MFSD6: variants seen among roughly 807,000 people sequenced by gnomAD.
MFSD6 encodes major facilitator superfamily domain-containing protein 6.
In MFSD6, 26 loss-of-function variants were observed where a neutral mutation model predicts 56.3. The observed-to-expected ratio is 0.46, with a 90% CI of 0.34 to 0.64. MFSD6 has a LOEUF of 0.64. Ranked by LOEUF, MFSD6 falls within the 30% of genes least tolerant of loss-of-function variation. The pLI, the probability that MFSD6 is intolerant of heterozygous loss-of-function variation, is 0.01. For synonymous variants in MFSD6, 331 were observed against 366.9 expected (o/e 0.90, Z 1.12); for missense variants, 750 against 986.2 (o/e 0.76, Z 3.21).
At chr2:190,407,993 G>C (rs2124969413), upstream of MFSD6, among the ~76,000 whole-genome samples, 1 of 152,336 alleles carries the variant, frequency 6.6e-6, no homozygotes, top group Admixed American at 6.5e-5. The surrounding 1 kb of genome is among the most constrained non-coding windows in gnomAD (Gnocchi z 5.4). Context: ...GGGTGCGGTA[G>C]GGATGGAGCC....
chr2:190,474,540 C>A (rs1351075203), intron 4 of MFSD6, among the ~76,000 whole-genome samples: 1 of 152,138 alleles, frequency 6.6e-6, no homozygotes, highest in African/African-American at 2.4e-5. Context: ...TCTGAATAGA[C>A]CAATAAAAGG....
intron 4 of MFSD6, among the ~76,000 whole-genome samples, chr2:190,480,441 CTTA>C (rs1688596246): frequency 6.6e-6 from 1 of 152,136 alleles, no homozygotes; most frequent in East Asian, 1.9e-4. Flanking sequence ...ATCTCAAAAA[CTTA>C]TTAAGTATCT....
At position 190,445,872 on chromosome 2, in the gene MFSD6, T is replaced by C. The variant is rs530574719; in HGVS notation, c.1532+8311T>C. Reference sequence around the variant, plus strand: ...ACAAAAAGAAGGTCATTTTTTTTCCTTTATCTTTAAGCTCTAAGGATTACA... The same window carrying C: ...ACAAAAAGAAGGTCATTTTTTTTCCCTTATCTTTAAGCTCTAAGGATTACA... On this transcript the variant is annotated intron_variant, in intron 3 of 7. Coordinates refer to ENST00000392328, the MANE Select transcript of MFSD6 (RefSeq NM_017694.4). Among the ~76,000 whole-genome samples, 6 of 152,136 alleles carry C rather than the reference T, an allele frequency of 3.9e-5. No homozygotes were observed. The South Asian group carries it at 8.3e-4, about 21-fold the overall frequency.
chr2:190,465,849 C>T lies in MFSD6; in HGVS notation c.1533-3909C>T, dbSNP rs534744946. ...CTCTACTAAAAATACAAAAATTAGC[C>T]GGGCCTGGTAGCATGCACCTGTAAT... On this transcript the variant is annotated intron_variant, in intron 3 of 7. Transcript: ENST00000392328. This position sits in a 1 kb window ranked among gnomAD's most constrained non-coding sequence, Gnocchi z 4.6. Among the ~76,000 whole-genome samples, 11 of 152,062 alleles carry T rather than the reference C, an allele frequency of 7.2e-5. No individual in the cohort carries two copies. The highest frequency in any genetic ancestry group is 1.5e-4 in the Non-Finnish European group (10 of 68,020).
Position 190,436,721 on chromosome 2 carries a change from G to C in MFSD6, c.692G>C (p.Gly231Ala). ...GAACCCACTCTGCAGCCCCAGACAG[G>C]TGAAATTACTAACCGTATGATGGAC... ...NSEPTLQPQT[G>A]EITNRMMDLT... Residue 231 changes from glycine (G) to alanine (A), a missense_variant, in exon 3 of 8, where the codon GGT (glycine) becomes GCT (alanine). By Grantham distance (60) the Gly-to-Ala change is moderately conservative (BLOSUM62 0). Transcript: ENST00000392328. This position sits in a 1 kb window ranked among gnomAD's most constrained non-coding sequence, Gnocchi z 5.3. 6.2e-7 allele frequency: 1 copy of C among 1,614,182 alleles called. No homozygotes were observed. Among genetic ancestry groups the C allele is most frequent in the East Asian group, 2.2e-5 (1 of 44,882 alleles).
chr2:190,430,609 C>A (rs1483330906), intron 2 of MFSD6, among the ~76,000 whole-genome samples: 2 of 152,126 alleles, frequency 1.3e-5, no homozygotes, highest in African/African-American at 4.8e-5. Flanking sequence ...CTGCTTCTTT[C>A]TACACAGACA....
intron 2 of MFSD6, among the ~76,000 whole-genome samples, chr2:190,421,047 A>G (rs1241576350): frequency 1.3e-5 from 2 of 152,248 alleles, no homozygotes; most frequent in Admixed American, 6.5e-5. Flanking sequence ...GATACTCAAA[A>G]GTCATTTGCA....
intron 4 of MFSD6, among the ~76,000 whole-genome samples, chr2:190,478,595 G>T (rs1688478681): frequency 6.6e-6 from 1 of 152,166 alleles, no homozygotes; most frequent in Non-Finnish European, 1.5e-5. Flanking sequence ...ATGCAGTAAG[G>T]CAGGACATGA....
rs752161113 is a variant in MFSD6 at position 190,496,376 on chromosome 2, T to A, written c.1892-1063T>A. The stretch of plus-strand genomic sequence containing the variant: ...TAGTGAAAAGGAAACACTTCTACAC[T>A]GCTGGTAGGAATGTAAGCTGTACAA... On this transcript the variant is annotated intron_variant, in intron 6 of 7. Transcript: ENST00000392328. This position sits in a 1 kb window ranked among gnomAD's most constrained non-coding sequence, Gnocchi z 4.7. Among the ~76,000 whole-genome samples the A allele has an allele frequency of 6.6e-6, 1 of 152,192 alleles. No homozygotes were observed. Among genetic ancestry groups the A allele is most frequent in the Non-Finnish European group, 1.5e-5 (1 of 68,036 alleles).
intron 3 of MFSD6, among the ~76,000 whole-genome samples, chr2:190,441,250 C>G (rs973105128): frequency 6.6e-6 from 1 of 152,012 alleles, no homozygotes; most frequent in Non-Finnish European, 1.5e-5. Context: ...GTTCTCGTGT[C>G]TTCTACTTGG....
intron 1 of MFSD6, among the ~76,000 whole-genome samples, chr2:190,409,460 C>T (rs1690462454): frequency 6.6e-6 from 1 of 152,072 alleles, no homozygotes; most frequent in African/African-American, 2.4e-5. Flanking sequence ...GGTTCTAATC[C>T]CAACTGGTAT....
intron 4 of MFSD6, among the ~76,000 whole-genome samples, chr2:190,478,791 C>T (rs559294937): frequency 1.3e-5 from 2 of 151,840 alleles, no homozygotes; most frequent in South Asian, 4.2e-4. Context: ...ATCAGCACTT[C>T]CGTTTTTTGG....
chr2:190,450,566 C>A (rs886953416), intron 3 of MFSD6, among the ~76,000 whole-genome samples: 1 of 140,378 alleles, frequency 7.1e-6, no homozygotes, highest in Admixed American at 7.5e-5. Flanking sequence ...AATCTCAGCT[C>A]ACTGCAGCCT....
At position 190,436,199 on chromosome 2, in the gene MFSD6, T is replaced by C; in HGVS notation, c.170T>C (p.Ile57Thr). The C allele has an allele frequency of 6.2e-7, 1 of 1,614,192 alleles. No individual in the cohort carries two copies. The highest frequency in any genetic ancestry group is 8.5e-7 in the Non-Finnish European group (1 of 1,179,998). ...ATTCCTGAGGAGGAAATAGACTGGA[T>C]AGAGAAACATTGTGTTAAGATAAAC... ...SAIPEEEIDW[I>T]EKHCVKINND... Residue 57 changes from isoleucine to threonine, a missense_variant, in exon 3 of 8, where the codon ATA (isoleucine) becomes ACA (threonine). Coordinates refer to ENST00000392328, the MANE Select transcript of MFSD6 (RefSeq NM_017694.4). This position sits in a 1 kb window ranked among gnomAD's most constrained non-coding sequence, Gnocchi z 5.3.
At chr2:190,448,197 G>A (rs185649318) in intron 3 of MFSD6, among the ~76,000 whole-genome samples, 6 of 152,238 alleles carry the variant, frequency 3.9e-5, no homozygotes, top group African/African-American at 1.2e-4. Context: ...GAGTAAAGAT[G>A]GTTCCTGCAA....
intron 4 of MFSD6, among the ~76,000 whole-genome samples, chr2:190,480,380 ATAGT>A (rs1081098): frequency 0.3 from 45,086 of 151,864 alleles, 7,378 homozygotes; most frequent in East Asian, 0.46. Flanking sequence ...ATCATGTACT[ATAGT>A]TAGTAGTTTA....
chr2:190,411,667 A>G, intron 1 of MFSD6: 1 of 983,916 alleles, frequency 1.0e-6, no homozygotes, highest in Non-Finnish European at 1.2e-6. Context: ...ATGTGCCTAA[A>G]CTCTAATGTT....
chr2:190,471,180 T>C lies in MFSD6; in HGVS notation c.1630+1325T>C, dbSNP rs1036369785. On this transcript the variant is annotated intron_variant, in intron 4 of 7. Coordinates refer to ENST00000392328, the MANE Select transcript of MFSD6 (RefSeq NM_017694.4). This position sits in a 1 kb window ranked among gnomAD's most constrained non-coding sequence, Gnocchi z 4.7. ...CAGCGTAAGTGACACAGAAGACTACTGATTTCTGCATTTCCAACTGAGGTA... is the reference window on the plus strand; with the variant it reads ...CAGCGTAAGTGACACAGAAGACTACCGATTTCTGCATTTCCAACTGAGGTA... Among the ~76,000 whole-genome samples, 6 of 152,162 alleles carry C rather than the reference T, an allele frequency of 3.9e-5. No individual in the cohort carries two copies. The highest frequency in any genetic ancestry group is 1.4e-4 in the African/African-American group (6 of 41,432).
Position 190,416,388 on chromosome 2 carries a change from T to C in MFSD6, c.-54+975T>C, listed in dbSNP as rs1690775772. Among the ~76,000 whole-genome samples the C allele has an allele frequency of 6.6e-6, 1 of 152,244 alleles. No individual in the cohort carries two copies. The highest frequency in any genetic ancestry group is 1.9e-4 in the East Asian group (1 of 5,204). ...GGTCCTTTCTTTCAGATTTATGATG[T>C]TACAAATATAAGTAAAATGTTTCTA... is the stretch of plus-strand genomic sequence containing the variant. On this transcript the variant is annotated intron_variant, in intron 2 of 7. Coordinates refer to ENST00000392328, the MANE Select transcript of MFSD6 (RefSeq NM_017694.4). The surrounding 1 kb of genome is among the most constrained non-coding windows in gnomAD (Gnocchi z 4.1).
Sources: allele counts gnomAD v4.1 joint callset (sites outside exome capture counted in the v4.1 genomes callset), GRCh38; gene constraint gnomAD v4.1.1; non-coding constraint Gnocchi (gnomAD v3.1); transcripts MANE v1.5; gene names NCBI Gene and HGNC (gene_info 2026-07-23, HGNC 2026-07-21).